Variants in DPEP1 observed in about 807,000 individuals in gnomAD.
The protein encoded by DPEP1 is dipeptidase 1.
In DPEP1, 50 loss-of-function variants were observed where a neutral mutation model predicts 42.3. The ratio of observed to expected loss-of-function variants is 1.18; its 90% CI spans 0.94 to 1.50. The LOEUF (loss-of-function observed/expected upper bound fraction) is 1.50, where lower values mean the gene tolerates loss of function less well. Among genes scored for constraint, DPEP1 ranks in the 40% most tolerant of loss-of-function variants. The probability of loss-of-function intolerance (pLI) is 0.00; values close to 1 mark genes in which losing one functional copy is unlikely to be tolerated. For missense variants in DPEP1, 663 were observed against 553.0 expected, an observed-to-expected ratio of 1.20 and a Z score of -1.99; for synonymous variants, 297 against 234.0, an observed-to-expected ratio of 1.27 and a Z score of -2.46.
At chr16:89,615,667 G>A (rs759392266) in intron 1 of DPEP1, among the ~76,000 whole-genome samples, 1 of 152,202 alleles carries the variant, frequency 6.6e-6, no homozygotes, top group Non-Finnish European at 1.5e-5. Context: ...GAGCCCCCAG[G>A]ACCCCGCCTT....
chr16:89,634,722 CCTT>C (rs2059642514), intron 2 of DPEP1, among the ~76,000 whole-genome samples: 2 of 130,824 alleles, frequency 1.5e-5, no homozygotes, highest in African/African-American at 3.1e-5. Context: ...CTTCCCTTTC[CCTT>C]CCTTCTCCTT....
At chr16:89,629,255 T>G (rs1022113602) in intron 1 of DPEP1, among the ~76,000 whole-genome samples, 4 of 152,080 alleles carry the variant, frequency 2.6e-5, no homozygotes, top group Non-Finnish European at 5.9e-5. Context: ...ATCCCCGCAG[T>G]TTGAGAGGCC....
downstream of DPEP1, among the ~76,000 whole-genome samples, chr16:89,640,075 C>G (rs557379301): frequency 6.6e-6 from 1 of 152,198 alleles, no homozygotes; most frequent in African/African-American, 2.4e-5. Flanking sequence ...CAGGGACAGA[C>G]GTGGTCCAGG....
intron 1 of DPEP1, among the ~76,000 whole-genome samples, chr16:89,616,141 T>C (rs1597737748): frequency 1.0e-5 from 1 of 98,892 alleles, no homozygotes; most frequent in Non-Finnish European, 2.0e-5. Flanking sequence ...AGCAGGAGGC[T>C]GGGTCCGTGG....
chr16:89,622,498 C>A (rs1308925299), intron 1 of DPEP1, among the ~76,000 whole-genome samples: 1 of 152,098 alleles, frequency 6.6e-6, no homozygotes. Context: ...AAGAATAACG[C>A]ACTCGGGCCG....
intron 1 of DPEP1, among the ~76,000 whole-genome samples, chr16:89,627,134 G>A (rs540162794): frequency 7.9e-5 from 12 of 152,046 alleles, no homozygotes; most frequent in Middle Eastern, 3.4e-3. Flanking sequence ...TTAGCCGGGC[G>A]TGGTGGCGGG....
intron 2 of DPEP1, among the ~76,000 whole-genome samples, chr16:89,631,261 C>T (rs1353997228): frequency 6.6e-6 from 1 of 152,092 alleles, no homozygotes; most frequent in Non-Finnish European, 1.5e-5. Context: ...CGCTGGGGCA[C>T]CTGGGTCACC....
chr16:89,630,092 G>T (rs1437275307), intron 1 of DPEP1, among the ~76,000 whole-genome samples: 1 of 152,104 alleles, frequency 6.6e-6, no homozygotes, highest in African/African-American at 2.4e-5. Context: ...TTTCATCTGG[G>T]CTCTAGCTCC....
chr16:89,632,985 C>G (rs760995157), intron 2 of DPEP1, among the ~76,000 whole-genome samples: 15 of 152,104 alleles, frequency 9.9e-5, no homozygotes, highest in Non-Finnish European at 2.2e-4. Context: ...GAGAGCTGCC[C>G]CATTGCAGCC....
intron 1 of DPEP1, among the ~76,000 whole-genome samples, 177 bp from the exon 2 acceptor site, chr16:89,630,128 C>T (rs958961332): frequency 6.6e-6 from 1 of 152,212 alleles, no homozygotes; most frequent in Non-Finnish European, 1.5e-5. Flanking sequence ...ATCCCAGCTT[C>T]TTACTATGCC....
Position 89,637,337 on chromosome 16 carries a change from G to A in DPEP1, c.725G>A (p.Cys242Tyr), listed in dbSNP as rs780540836. 1.9e-6 allele frequency: 3 copies of A among 1,612,374 alleles called. No homozygotes were observed. Among genetic ancestry groups the A allele is most frequent in the South Asian group, 2.2e-5 (2 of 91,074 alleles). Residue 242 changes from cysteine (C) to tyrosine (Y), a missense_variant, in exon 7 of 11, where the codon TGC becomes TAC. Transcript: ENST00000690203. Reference sequence around the variant, plus strand: ...AGCCACTCCTCGGCCTACAGCGTGTGCGCAAGCCGGCGCAACGTGCCTGAC... The same window carrying A: ...AGCCACTCCTCGGCCTACAGCGTGTACGCAAGCCGGCGCAACGTGCCTGAC... Reference protein sequence around the residue: ...IFSHSSAYSVCASRRNVPDDV... With the variant: ...IFSHSSAYSVYASRRNVPDDV...
intron 1 of DPEP1, among the ~76,000 whole-genome samples, chr16:89,622,570 G>A (rs2059458333): frequency 1.3e-5 from 2 of 152,144 alleles, no homozygotes; most frequent in Non-Finnish European, 1.5e-5. Flanking sequence ...TGGATCATGA[G>A]GTCAGGGGTT....
intron 3 of DPEP1, 47 bp from the exon 4 acceptor site, chr16:89,636,217 G>A (rs1030064333): frequency 4.4e-6 from 7 of 1,578,344 alleles, no homozygotes; most frequent in Non-Finnish European, 6.0e-6. Context: ...CGGGGGGTGG[G>A]CTGAGACCTG....
At chr16:89,629,741 G>C (rs951289135) in intron 1 of DPEP1, among the ~76,000 whole-genome samples, 3 of 152,200 alleles carry the variant, frequency 2.0e-5, no homozygotes, top group Admixed American at 6.5e-5. Context: ...GTGTCTAGCT[G>C]CTTGGCCTGA....
At chr16:89,631,875 A>G (rs2434858) in intron 2 of DPEP1, among the ~76,000 whole-genome samples, 66,388 of 151,786 alleles carry the variant, frequency 0.44, 14,869 homozygotes, top group Middle Eastern at 0.66. Context: ...AAAACTTAAG[A>G]GAGCAGAGGC....
chr16:89,625,334 G>C (rs1026113065), intron 1 of DPEP1, among the ~76,000 whole-genome samples: 1 of 152,152 alleles, frequency 6.6e-6, no homozygotes, highest in Non-Finnish European at 1.5e-5. Context: ...CAGAGAGTGA[G>C]GGGGGAGGTA....
rs1423860570 is a variant in DPEP1 at position 89,630,935 on chromosome 16, G to A, written c.104+421G>A. ...CCTGCTGCTTTGTGGGGTCTCTCAG[G>A]GCCCCCAAAGACTTCAGCGGATGAA... On this transcript the variant is annotated intron_variant, in intron 2 of 10. Transcript: ENST00000690203. Among the ~76,000 whole-genome samples the A allele has an allele frequency of 2.6e-5, 4 of 152,098 alleles. No individual in the cohort carries two copies. In the East Asian group the frequency reaches 7.8e-4, roughly 30 times the overall value.
rs2059692968 is a variant in DPEP1 at position 89,637,207 on chromosome 16, G to A, written c.595G>A (p.Val199Met). The A allele has an allele frequency of 1.2e-5, 20 of 1,611,918 alleles. No individual in the cohort carries two copies. In the East Asian group the frequency reaches 3.1e-4, roughly 25 times the overall value. Reference protein sequence around the residue: ...SQGLSPFGQRVVKELNRLGVL... With the variant: ...SQGLSPFGQRMVKELNRLGVL... ...GGACGGAGCCCTGTCTTCCCAGCGTGTGGTGAAGGAGCTGAACCGTCTGGG... is the reference window on the plus strand; with the variant it reads ...GGACGGAGCCCTGTCTTCCCAGCGTATGGTGAAGGAGCTGAACCGTCTGGG... Residue 199 changes from valine (V) to methionine (M), a missense_variant, in exon 7 of 11, where the codon GTG (valine) becomes ATG (methionine). Val to Met is a conservative substitution (Grantham distance 21). Coordinates refer to ENST00000690203, the MANE Select transcript of DPEP1 (RefSeq NM_001389466.1).
intron 6 of DPEP1, 21 bp from the exon 7 acceptor site, chr16:89,637,183 G>A: frequency 4.4e-6 from 7 of 1,607,706 alleles, no homozygotes; most frequent in Non-Finnish European, 5.9e-6. Flanking sequence ...TGTGAGGGTG[G>A]ACGGAGCCCT....
Sources: gnomAD v4.1 joint callset for allele counts (sites outside exome capture counted in the v4.1 genomes callset) on GRCh38, gnomAD v4.1.1 for gene constraint, MANE v1.5 for transcripts, NCBI Gene and HGNC (gene_info 2026-07-23, HGNC 2026-07-21) for gene names.